The following MINDY4 variants were observed in gnomAD, a reference collection of about 807,000 sequenced individuals.
The protein encoded by MINDY4 is probable ubiquitin carboxyl-terminal hydrolase MINDY-4.
Under a neutral mutation model 87.0 loss-of-function variants are expected in MINDY4, and 68 were observed. That is an observed-to-expected ratio of 0.78 (90% confidence interval 0.64 to 0.96). MINDY4 has a LOEUF of 0.96. Among genes scored for constraint, MINDY4 ranks in the 40% least tolerant of loss-of-function variants. The pLI is 0.00. For synonymous variants in MINDY4, 379 were observed against 363.2 expected (o/e 1.04, Z -0.50); for missense variants, 919 against 928.2 (o/e 0.99, Z 0.13).
intron 5 of MINDY4, among the ~76,000 whole-genome samples, chr7:30,825,578 G>T (rs1452944906): frequency 6.6e-6 from 1 of 152,236 alleles, no homozygotes; most frequent in Non-Finnish European, 1.5e-5. Flanking sequence ...ATAGAGGCAA[G>T]ACCAAAGTAG....
intron 14 of MINDY4, among the ~76,000 whole-genome samples, chr7:30,872,631 G>A (rs748760991): frequency 6.6e-6 from 1 of 152,242 alleles, no homozygotes; most frequent in Non-Finnish European, 1.5e-5. Context: ...AGGGAGTGAT[G>A]TCTCAGGCAT....
intron 4 of MINDY4, 100 bp from the exon 5 acceptor site, chr7:30,791,065 T>C: frequency 5.1e-6 from 6 of 1,170,362 alleles, no homozygotes; most frequent in Non-Finnish European, 6.1e-6. Context: ...AAGACATTCC[T>C]GGGAGAGACA....
intron 16 of MINDY4, 74 bp downstream of exon 16, chr7:30,882,435 T>C (rs1337462913): frequency 5.4e-5 from 67 of 1,243,136 alleles, no homozygotes; most frequent in Non-Finnish European, 6.8e-5. Flanking sequence ...GAAACCAGCC[T>C]TCCTATCCAC....
At chr7:30,810,397 T>A (rs1447404821) in intron 5 of MINDY4, among the ~76,000 whole-genome samples, 1 of 151,686 alleles carries the variant, frequency 6.6e-6, no homozygotes, top group Non-Finnish European at 1.5e-5. Flanking sequence ...AAATATACCT[T>A]TGGTAAAAGG....
intron 13 of MINDY4, among the ~76,000 whole-genome samples, chr7:30,867,808 G>A (rs1197716933): frequency 6.6e-6 from 1 of 152,200 alleles, no homozygotes; most frequent in African/African-American, 2.4e-5. Context: ...CAGGTGGAGG[G>A]GGGATAGCTG....
At chr7:30,795,520 C>A (rs1034440976) in intron 5 of MINDY4, among the ~76,000 whole-genome samples, 3 of 152,156 alleles carry the variant, frequency 2.0e-5, no homozygotes, top group African/African-American at 7.2e-5. Context: ...GGGGCACAGA[C>A]CTCTCCAGGG....
intron 5 of MINDY4, among the ~76,000 whole-genome samples, chr7:30,805,004 G>A (rs542460984): frequency 1.3e-5 from 2 of 152,338 alleles, no homozygotes; most frequent in Non-Finnish European, 2.9e-5. Context: ...CCCGACAGGT[G>A]CCCCAAGAGC....
chr7:30,866,462 A>G (rs770469334), intron 13 of MINDY4, among the ~76,000 whole-genome samples: 3 of 152,128 alleles, frequency 2.0e-5, no homozygotes, highest in Non-Finnish European at 4.4e-5. Context: ...GGGTAGGCTC[A>G]TGTCATTTAG....
Position 30,882,372 on chromosome 7 carries a change from T to TCGGCCCCCCCCCCC in MINDY4, c.2152+12_2152+13insGGCCCCCCCCCCCC. The TCGGCCCCCCCCCCC allele has an allele frequency of 6.6e-7, 1 of 1,521,490 alleles. No homozygotes were observed. Among genetic ancestry groups the TCGGCCCCCCCCCCC allele is most frequent in the Non-Finnish European group, 8.9e-7 (1 of 1,127,546 alleles). 94.2% of individuals were successfully genotyped at this position (1,521,490 alleles called of 1,614,324 possible). On this transcript the variant is annotated intron_variant, in intron 16 of 17. Transcript: ENST00000265299. Reference sequence around the variant, plus strand: ...TCCGGCTGACCATTGGTGCGGGCCCTCACCCCCCCACCCACCCAACCCTGT... The same window carrying TCGGCCCCCCCCCCC: ...TCCGGCTGACCATTGGTGCGGGCCCTCGGCCCCCCCCCCCCACCCCCCCACCCACCCAACCCTGT...
intron 17 of MINDY4, among the ~76,000 whole-genome samples, chr7:30,885,719 C>A (rs1374059039): frequency 6.8e-6 from 1 of 147,684 alleles, no homozygotes; most frequent in Non-Finnish European, 1.5e-5. Context: ...CCCCCCCCAA[C>A]CCTGCTGCCT....
intron 5 of MINDY4, among the ~76,000 whole-genome samples, chr7:30,806,649 C>T (rs1039077223): frequency 1.3e-5 from 2 of 152,276 alleles, no homozygotes; most frequent in African/African-American, 4.8e-5. Context: ...TTGGGCATGT[C>T]TTTCCCCTGG....
At chr7:30,887,657 G>C (rs549694754) in intron 17 of MINDY4, among the ~76,000 whole-genome samples, 2 of 152,234 alleles carry the variant, frequency 1.3e-5, no homozygotes, top group African/African-American at 4.8e-5. Context: ...AGGAGGAACA[G>C]CTGGCCTGGT....
intron 13 of MINDY4, among the ~76,000 whole-genome samples, chr7:30,862,050 A>T (rs1279067906): frequency 6.6e-6 from 1 of 152,260 alleles, no homozygotes; most frequent in Non-Finnish European, 1.5e-5. Context: ...AAAGAACTTT[A>T]GTTAAGCTTG....
At position 30,791,301 on chromosome 7, in the gene MINDY4, C is replaced by G. The variant is rs759416100; in HGVS notation, c.800C>G (p.Pro267Arg). The change falls in exon 5 of 18, where the codon CCC becomes CGC. Residue 267 changes from proline (P) to arginine (R), a missense_variant. Physicochemically the swap from Pro to Arg is moderately radical, Grantham distance 103 (BLOSUM62 -2). Coordinates refer to ENST00000265299, the MANE Select transcript of MINDY4 (RefSeq NM_032222.3). ...ATTCTGGCTTCGAGCAACAGCTCCC[C>G]CTCCAGGACCTCCCTGGGTCAGCTT... ...QDILASSNSS[P>R]SRTSLGQLSE... 1.9e-6 allele frequency: 3 copies of G among 1,614,140 alleles called. No homozygotes were observed. The highest frequency in any genetic ancestry group is 2.2e-5 in the East Asian group (1 of 44,872).
At chr7:30,852,335 C>G (rs1789438762) in intron 11 of MINDY4, 56 bp downstream of exon 11, 1 of 1,612,612 alleles carries the variant, frequency 6.2e-7, no homozygotes, top group Admixed American at 1.7e-5. Flanking sequence ...GGGACTGTCT[C>G]CTTTCATATA....
chr7:30,814,349 CAGTTGAGGTAGACATA>C (rs1477922443), intron 5 of MINDY4, among the ~76,000 whole-genome samples: 2 of 151,978 alleles, frequency 1.3e-5, no homozygotes, highest in Non-Finnish European at 2.9e-5. Context: ...AAAATTTTAC[CAGTTGAGGTAGACATA>C]ATCTTATTTC....
intron 2 of MINDY4, 58 bp from the exon 3 acceptor site, chr7:30,781,919 C>T (rs1047284299): frequency 4.1e-6 from 5 of 1,219,002 alleles, no homozygotes; most frequent in Non-Finnish European, 5.9e-6. Flanking sequence ...GTTGTCTTTT[C>T]CACTCTTCCC....
chr7:30,781,634 A>G (rs1272377380), intron 2 of MINDY4: 1 of 226,872 alleles, frequency 4.4e-6, no homozygotes, highest in Non-Finnish European at 8.6e-6. Context: ...AAATGAAGGG[A>G]TATATATTTT....
chr7:30,830,500 A>G (rs1427911069), intron 6 of MINDY4, among the ~76,000 whole-genome samples: 2 of 152,308 alleles, frequency 1.3e-5, no homozygotes, highest in East Asian at 3.9e-4. Flanking sequence ...GAAACTTACA[A>G]TCGTGGCAGA....
Sources: gnomAD v4.1 joint callset for allele counts (sites outside exome capture counted in the v4.1 genomes callset) on GRCh38, gnomAD v4.1.1 for gene constraint, MANE v1.5 for transcripts, NCBI Gene and HGNC (gene_info 2026-07-23, HGNC 2026-07-21) for gene names.